The following SRBD1 variants were observed in gnomAD, a reference collection of about 807,000 sequenced individuals.
SRBD1 encodes S1 RNA-binding domain-containing protein 1.
SRBD1 carries 88 observed loss-of-function variants against 115.3 expected under a neutral mutation model. The observed-to-expected ratio is 0.76, with a 90% confidence interval of 0.64 to 0.91. SRBD1 has a LOEUF of 0.91. Among genes scored for constraint, SRBD1 ranks in the 40% least tolerant of loss-of-function variants. The pLI is 0.00. For missense variants in SRBD1, 1,385 were observed against 1,177.4 expected, an observed-to-expected ratio of 1.18 and a Z score of -2.58; for synonymous variants, 509 against 407.7, an observed-to-expected ratio of 1.25 and a Z score of -2.99.
chr2:45,453,354 G>T (rs531114396), intron 16 of SRBD1, among the ~76,000 whole-genome samples: 39 of 151,648 alleles, frequency 2.6e-4, no homozygotes, highest in Non-Finnish European at 5.0e-4. Flanking sequence ...ACTCCTTGGT[G>T]GCCCCTCCAG....
At chr2:45,498,385 G>C (rs1670524999) in intron 14 of SRBD1, among the ~76,000 whole-genome samples, 1 of 152,046 alleles carries the variant, frequency 6.6e-6, no homozygotes, top group Admixed American at 6.6e-5. Flanking sequence ...ACAGAAAGTT[G>C]TGTGTGCTCA....
chr2:45,435,232 A>G (rs1321538093), intron 16 of SRBD1, among the ~76,000 whole-genome samples: 1 of 152,124 alleles, frequency 6.6e-6, no homozygotes, highest in African/African-American at 2.4e-5. Flanking sequence ...ATATATGGCA[A>G]CCAATTTTAG....
intron 4 of SRBD1, among the ~76,000 whole-genome samples, chr2:45,590,052 G>A (rs1673669929): frequency 6.6e-6 from 1 of 152,238 alleles, no homozygotes; most frequent in South Asian, 2.1e-4. Context: ...AGGGAGGCAG[G>A]AATTCCAGGA....
intron 16 of SRBD1, among the ~76,000 whole-genome samples, chr2:45,467,646 G>A (rs1392390367): frequency 6.6e-6 from 1 of 152,128 alleles, no homozygotes; most frequent in Non-Finnish European, 1.5e-5. Context: ...TTAAGATAGT[G>A]TCAAAACTGT....
At chr2:45,497,149 C>T (rs1670484880) in intron 14 of SRBD1, among the ~76,000 whole-genome samples, 1 of 152,166 alleles carries the variant, frequency 6.6e-6, no homozygotes, top group Admixed American at 6.5e-5. Flanking sequence ...TAAACTTCTA[C>T]TGTCGCTATG....
intron 16 of SRBD1, among the ~76,000 whole-genome samples, chr2:45,425,688 C>A (rs993478838): frequency 6.6e-6 from 1 of 152,118 alleles, no homozygotes; most frequent in East Asian, 1.9e-4. Flanking sequence ...GGGTGGAAAG[C>A]GCAAGGAGTC....
At chr2:45,518,440 G>A (rs1158047267) in intron 14 of SRBD1, among the ~76,000 whole-genome samples, 1 of 152,162 alleles carries the variant, frequency 6.6e-6, no homozygotes, top group African/African-American at 2.4e-5. Context: ...AAACTAGGCT[G>A]GCAGCATTTG....
rs1454373856 is a variant in SRBD1 at position 45,392,210 on chromosome 2, A to G, written c.2698+735T>C. Among the ~76,000 whole-genome samples, 3 of 152,246 alleles carry G rather than the reference A, an allele frequency of 2.0e-5. No individual in the cohort carries two copies. In the East Asian group the frequency reaches 5.8e-4, roughly 29 times the overall value. ...TCAAAACTCCTTTAAACCTTTTCAA[A>G]GAAGTATGTCTAACCATCTCAATGC... On this transcript the variant is annotated intron_variant, in intron 20 of 20. Coordinates refer to ENST00000263736, the MANE Select transcript of SRBD1 (RefSeq NM_018079.5).
chr2:45,588,059 T>C (rs1012148683), intron 4 of SRBD1, among the ~76,000 whole-genome samples: 3 of 152,230 alleles, frequency 2.0e-5, no homozygotes, highest in African/African-American at 7.2e-5. Flanking sequence ...TCTTCATTTC[T>C]TCTGCCCCAC....
At chr2:45,458,660 T>C (rs1437848317) in intron 16 of SRBD1, among the ~76,000 whole-genome samples, 1 of 152,186 alleles carries the variant, frequency 6.6e-6, no homozygotes, top group Non-Finnish European at 1.5e-5. Flanking sequence ...GCTGCCTTAC[T>C]ACATTTTTGA....
intron 16 of SRBD1, among the ~76,000 whole-genome samples, chr2:45,443,916 T>A (rs1186299795): frequency 6.6e-6 from 1 of 152,022 alleles, no homozygotes; most frequent in African/African-American, 2.4e-5. Context: ...AGGCGCTTAA[T>A]CTTTAATGAC....
intron 12 of SRBD1, among the ~76,000 whole-genome samples, chr2:45,550,650 G>A (rs544309394): frequency 3.4e-4 from 51 of 152,196 alleles, no homozygotes; most frequent in Non-Finnish European, 4.4e-4. Context: ...AAAAGTAATA[G>A]CATAGAGTTC....
intron 16 of SRBD1, among the ~76,000 whole-genome samples, chr2:45,463,816 A>C (rs1669398751): frequency 6.6e-6 from 1 of 152,152 alleles, no homozygotes; most frequent in Non-Finnish European, 1.5e-5. Context: ...CACACAACCA[A>C]TATATGCATC....
intron 14 of SRBD1, among the ~76,000 whole-genome samples, chr2:45,536,760 G>A (rs1437611489): frequency 6.6e-6 from 1 of 152,062 alleles, no homozygotes; most frequent in African/African-American, 2.4e-5. Flanking sequence ...CTTCCCTTCA[G>A]AGGATCTTTT....
chr2:45,500,822 G>C (rs939295813), intron 14 of SRBD1, among the ~76,000 whole-genome samples: 7 of 152,164 alleles, frequency 4.6e-5, no homozygotes, highest in African/African-American at 1.4e-4. Context: ...GAAAATATAA[G>C]ATGGTGTTGT....
At chr2:45,476,819 A>T (rs1422790791) in intron 16 of SRBD1, among the ~76,000 whole-genome samples, 174 bp downstream of exon 16, 1 of 152,200 alleles carries the variant, frequency 6.6e-6, no homozygotes, top group Non-Finnish European at 1.5e-5. Flanking sequence ...CGAGAACAAC[A>T]ATGACAAAAA....
At chr2:45,567,779 A>G (rs2104124509) in intron 9 of SRBD1, among the ~76,000 whole-genome samples, 1 of 152,336 alleles carries the variant, frequency 6.6e-6, no homozygotes, top group South Asian at 2.1e-4. Context: ...AGTTCTTCAT[A>G]CAAGAAATTT....
intron 1 of SRBD1, 102 bp downstream of exon 1, chr2:45,611,117 T>C (rs914747592): frequency 6.6e-6 from 1 of 152,126 alleles, no homozygotes; most frequent in Non-Finnish European, 1.5e-5. Flanking sequence ...ATTGCCCAAA[T>C]GAGCGCTCAG....
rs10646755 is a variant in SRBD1 at position 45,549,696 on chromosome 2, C to CAA, written c.1675+1427_1675+1428dup. Among the ~76,000 whole-genome samples, 637 of 84,730 alleles carry CAA rather than the reference C, an allele frequency of 7.5e-3. 15 individuals are homozygous for CAA. The highest frequency in any genetic ancestry group is 0.023 in the African/African-American group (513 of 22,752). The allele number at this position is 84,730 out of a possible 152,430, so 55.6% of individuals were successfully genotyped here. A position where few individuals can be genotyped will look rare whatever the true frequency, so the allele number is the denominator to read the frequency against. ...CGAAACTCCGTCTCTACTAAAAATA[C>CAA]AAAAAAAAAAAAAAAAAAAAGGCAG... On this transcript the variant is annotated intron_variant, in intron 12 of 20. Coordinates refer to ENST00000263736, the MANE Select transcript of SRBD1 (RefSeq NM_018079.5).
Sources: allele counts gnomAD v4.1 joint callset (sites outside exome capture counted in the v4.1 genomes callset), GRCh38; gene constraint gnomAD v4.1.1; transcripts MANE v1.5; gene names NCBI Gene and HGNC (gene_info 2026-07-23, HGNC 2026-07-21).